The following CNTN6 variants were observed in gnomAD, a reference collection of about 807,000 sequenced individuals.
The protein encoded by CNTN6 is contactin-6.
A neutral mutation model predicts 122.8 loss-of-function variants in CNTN6; 137 were observed. The observed-to-expected ratio is 1.12, with a 90% CI of 0.97 to 1.29. The LOEUF is 1.29. Among genes scored for constraint, CNTN6 ranks in the 50% most tolerant of loss-of-function variants. The pLI, the probability that CNTN6 is intolerant of heterozygous loss-of-function variation, is 0.00. For synonymous variants in CNTN6, 570 were observed against 426.0 expected, an observed-to-expected ratio of 1.34 and a Z score of -4.16; for missense variants, 1,634 against 1,223.4, an observed-to-expected ratio of 1.34 and a Z score of -5.01.
chr3:1,335,131 C>T (rs1462912761), intron 11 of CNTN6, among the ~76,000 whole-genome samples: 1 of 152,136 alleles, frequency 6.6e-6, no homozygotes, highest in African/African-American at 2.4e-5. Flanking sequence ...CTAGCAAGTC[C>T]TTTAACTTCA....
At chr3:1,098,112 C>G (rs1174272513) in intron 1 of CNTN6, among the ~76,000 whole-genome samples, 5 of 151,466 alleles carry the variant, frequency 3.3e-5, no homozygotes, top group Non-Finnish European at 4.4e-5. Flanking sequence ...GGAGGGATAG[C>G]ATTGGGAGAT....
chr3:1,148,459 A>C (rs1429414571), intron 2 of CNTN6, among the ~76,000 whole-genome samples: 1 of 143,860 alleles, frequency 7.0e-6, no homozygotes, highest in East Asian at 1.9e-4. Flanking sequence ...ATTAAAATAC[A>C]TATTTCTCTC....
chr3:1,141,682 G>T (rs150719225), intron 1 of CNTN6, among the ~76,000 whole-genome samples: 1 of 152,088 alleles, frequency 6.6e-6, no homozygotes, highest in Admixed American at 6.6e-5. Context: ...ATTCTCCAGC[G>T]TCCAAGTCCA....
At chr3:1,124,169 G>C (rs2092069901) in intron 1 of CNTN6, among the ~76,000 whole-genome samples, 2 of 151,916 alleles carry the variant, frequency 1.3e-5, no homozygotes, top group Non-Finnish European at 2.9e-5. Context: ...GGCATCTGGT[G>C]CATGAAGACA....
chr3:1,329,715 CA>C, intron 10 of CNTN6, 69 bp from the exon 11 acceptor site: 4 of 1,315,026 alleles, frequency 3.0e-6, no homozygotes, highest in Non-Finnish European at 4.2e-6. Flanking sequence ...TCTAGCATAG[CA>C]AGTCACCCCT....
chr3:1,310,994 G>A (rs1164601717), intron 7 of CNTN6, among the ~76,000 whole-genome samples: 2 of 152,012 alleles, frequency 1.3e-5, no homozygotes, highest in African/African-American at 2.4e-5. Context: ...ACGAGCAGGA[G>A]AACCAGAGTT....
At chr3:1,295,309 G>A (rs1272016346) in intron 5 of CNTN6, among the ~76,000 whole-genome samples, 1 of 151,954 alleles carries the variant, frequency 6.6e-6, no homozygotes, top group Non-Finnish European at 1.5e-5. Flanking sequence ...TACGTCTTAT[G>A]GTATTTCTTA....
chr3:1,102,251 G>A (rs931426766), intron 1 of CNTN6, among the ~76,000 whole-genome samples: 6 of 152,136 alleles, frequency 3.9e-5, no homozygotes, highest in East Asian at 1.9e-4. Flanking sequence ...TATGGAGACC[G>A]CTGAGCTATC....
rs147484609 is a variant in CNTN6, at chr3:1,220,686, G to A, written c.56-1G>A. 2 of 1,602,286 alleles carry A rather than the reference G, an allele frequency of 1.2e-6. No individual in the cohort carries two copies. Among genetic ancestry groups the A allele is most frequent in the Admixed American group, 1.7e-5 (1 of 57,628 alleles). On this transcript the variant is annotated splice_acceptor_variant, in intron 2 of 22. Transcript: ENST00000446702. LOFTEE classifies it high-confidence loss of function. Reference sequence around the variant, plus strand: ...TGTGATTTATTCTTTTCTTTTCCCAGGTGATGGTCTTTTAAGCCGTCCTAT... The same window carrying A: ...TGTGATTTATTCTTTTCTTTTCCCAAGTGATGGTCTTTTAAGCCGTCCTAT...
At chr3:1,366,343 A>G (rs1169997331) in intron 12 of CNTN6, among the ~76,000 whole-genome samples, 1 of 152,140 alleles carries the variant, frequency 6.6e-6, no homozygotes, top group Non-Finnish European at 1.5e-5. Flanking sequence ...AATTTGTTAT[A>G]ATTCAGGCCC....
intron 4 of CNTN6, among the ~76,000 whole-genome samples, chr3:1,239,917 G>A (rs528623740): frequency 3.9e-5 from 6 of 152,112 alleles, no homozygotes; most frequent in Non-Finnish European, 8.8e-5. Context: ...AAAATATGCA[G>A]TGTGGAAAGG....
At chr3:1,118,842 C>T (rs2091833142) in intron 1 of CNTN6, among the ~76,000 whole-genome samples, 1 of 151,896 alleles carries the variant, frequency 6.6e-6, no homozygotes, top group Non-Finnish European at 1.5e-5. Flanking sequence ...AAGATGGCTG[C>T]TTTCCAATAC....
chr3:1,346,344 G>A (rs1575797881), intron 11 of CNTN6, among the ~76,000 whole-genome samples: 1 of 152,142 alleles, frequency 6.6e-6, no homozygotes, highest in South Asian at 2.1e-4. Flanking sequence ...AGTTTTGGGA[G>A]GTGGAGCCTG....
At chr3:1,329,238 T>C (rs1330718294) in intron 10 of CNTN6, among the ~76,000 whole-genome samples, 3 of 144,214 alleles carry the variant, frequency 2.1e-5, no homozygotes, top group Non-Finnish European at 4.5e-5. Flanking sequence ...CACATGTATG[T>C]GCATACATGT....
chr3:1,215,209 A>G (rs1299977959), intron 2 of CNTN6, among the ~76,000 whole-genome samples: 1 of 152,204 alleles, frequency 6.6e-6, no homozygotes, highest in African/African-American at 2.4e-5. Flanking sequence ...CTTTCCATTT[A>G]TAGTAACTTT....
At chr3:1,199,168 A>G (rs1473779424) in intron 2 of CNTN6, among the ~76,000 whole-genome samples, 1 of 143,514 alleles carries the variant, frequency 7.0e-6, no homozygotes, top group Non-Finnish European at 1.5e-5. Context: ...ATGAGAGACA[A>G]TATATGCTTT....
rs546997909 is a variant in CNTN6, at chr3:1,153,914, T to C, written c.55+5851T>C. On this transcript the variant is annotated intron_variant, in intron 2 of 22. Transcript: ENST00000446702. The stretch of plus-strand genomic sequence containing the variant: ...TCCTTTGGGTCAGAGTGTGAATGAA[T>C]ATTGAGTACGTCACAACCCACACTC... 3.3e-5 allele frequency among the ~76,000 whole-genome samples: 5 copies of C among 152,344 alleles called. No homozygotes were observed. In the East Asian group the frequency reaches 9.7e-4, roughly 29 times the overall value.
At chr3:1,095,199 G>A (rs1268039775) in intron 1 of CNTN6, among the ~76,000 whole-genome samples, 3 of 151,984 alleles carry the variant, frequency 2.0e-5, no homozygotes, top group Non-Finnish European at 2.9e-5. Flanking sequence ...TTGGCCGCGC[G>A]CGGTGGTTCA....
At chr3:1,364,610 C>G (rs1370335746) in intron 12 of CNTN6, among the ~76,000 whole-genome samples, 2 of 151,830 alleles carry the variant, frequency 1.3e-5, no homozygotes, top group Non-Finnish European at 2.9e-5. Flanking sequence ...AGTTAGAGAT[C>G]ATGAAAGGTA....
Sources: gnomAD v4.1 joint callset for allele counts (sites outside exome capture counted in the v4.1 genomes callset) on GRCh38, gnomAD v4.1.1 for gene constraint, MANE v1.5 for transcripts, NCBI Gene and HGNC (gene_info 2026-07-23, HGNC 2026-07-21) for gene names.